The following CDHR1 variants were observed in gnomAD, a reference collection of about 807,000 sequenced individuals.
CDHR1 encodes cadherin related family member 1.
Under a neutral mutation model 72.1 loss-of-function variants are expected in CDHR1, and 61 were observed. That is an observed-to-expected ratio of 0.85 (90% CI 0.69 to 1.05). The LOEUF is 1.05. Ranked by LOEUF, CDHR1 falls within the 50% of genes least tolerant of loss-of-function variation. CDHR1 has a pLI of 0.00. For synonymous variants in CDHR1, 470 were observed against 448.1 expected (o/e 1.05, Z -0.62); for missense variants, 1,186 against 1,115.7 (o/e 1.06, Z -0.90).
Position 84,213,106 on chromosome 10 carries a change from G to A in CDHR1, c.1798G>A (p.Ala600Thr). ...CTGCGCACAGGCCATAGACGAGGAT[G>A]CAGAGGAACCCAACAACCTGGTGGA... The part of the protein sequence containing the change: ...PVKIEAIDED[A>T]EEPNNLVDYS... Residue 600 changes from alanine (A) to threonine (T), a missense_variant, in exon 16 of 17, where the codon GCA becomes ACA. By Grantham distance (58) the Ala-to-Thr change is moderately conservative (BLOSUM62 0). Transcript: ENST00000623527. 1 of 1,614,218 alleles carries A rather than the reference G, an allele frequency of 6.2e-7. No individual in the cohort carries two copies. The highest frequency in any genetic ancestry group is 8.5e-7 in the Non-Finnish European group (1 of 1,180,038).
intron 10 of CDHR1, among the ~76,000 whole-genome samples, chr10:84,207,682 C>T (rs1842251244): frequency 6.6e-6 from 1 of 152,130 alleles, no homozygotes; most frequent in Admixed American, 6.5e-5. Flanking sequence ...ACATTCATAT[C>T]TCATAGTTTC....
Position 84,214,503 on chromosome 10 carries a change from A to G in CDHR1, c.2462A>G (p.Gln821Arg), listed in dbSNP as rs375803729. 1 of 1,605,778 alleles carries G rather than the reference A, an allele frequency of 6.2e-7. No individual in the cohort carries two copies. The highest frequency in any genetic ancestry group is 8.5e-7 in the Non-Finnish European group (1 of 1,179,580). Residue 821 changes from glutamine to arginine, a missense_variant, in exon 17 of 17, where the codon CAG (glutamine) becomes CGG (arginine). Transcript: ENST00000623527. ...ACTGTCTCTGGCTCTCTCACTCCGC[A>G]GCCGACCCAACCCCCGCCAAAACCC... ...VPTVSGSLTP[Q>R]PTQPPPKPKT...
rs150969538 is a variant in CDHR1, at chr10:84,214,270, G to A, written c.2229G>A (p.Arg743=). 6.5e-4 allele frequency: 1,048 copies of A among 1,613,576 alleles called. 2 individuals are homozygous for A. The highest frequency in any genetic ancestry group is 4.9e-4 in the Non-Finnish European group (577 of 1,180,016). ...VLPMRRVLRK[R]PSPAPRTIRI... is the part of the protein sequence containing the mutation. ...CAATGCGGCGGGTGCTCCGCAAGCG[G>A]CCCAGCCCTGCGCCCCGCACCATCC... Residue 743 remains arginine (R), a synonymous_variant, in exon 17 of 17, where the codon CGG becomes CGA. Coordinates refer to ENST00000623527, the MANE Select transcript of CDHR1 (RefSeq NM_033100.4).
rs563013261 is a variant in CDHR1, at chr10:84,212,240, G to A, written c.1615G>A (p.Glu539Lys). 6.2e-7 allele frequency: 1 copy of A among 1,614,268 alleles called. No individual in the cohort carries two copies. Among genetic ancestry groups the A allele is most frequent in the Non-Finnish European group, 8.5e-7 (1 of 1,180,054 alleles). ...YTQPWASLDA[E>K]ATARYNFYVK... ...CCAGCCCTGGGCTAGCCTGGACGCT[G>A]AGGCCACTGCCAGGTACAACTTCTA... is the stretch of plus-strand genomic sequence containing the variant. The change falls in exon 15 of 17, where the codon GAG becomes AAG. Residue 539 changes from glutamate (E) to lysine (K), a missense_variant. Transcript: ENST00000623527.
rs886047343 is a variant in CDHR1, at chr10:84,215,977, A to G, written c.*1356A>G. On this transcript the variant is annotated 3_prime_UTR_variant, in exon 17 of 17. Transcript: ENST00000623527. ...GAGGGAATGCTTTGCTTGAGGCCAC[A>G]CAGCAGGTTGGTAGCAAAGATCTTG... 2.4e-5 allele frequency: 24 copies of G among 985,096 alleles called. 2 individuals carry two copies. In the East Asian group the frequency reaches 1.1e-3, roughly 47 times the overall value. The allele number at this position is 985,096 out of a possible 1,614,324, so 61.0% of individuals were successfully genotyped here.
chr10:84,215,112 G>A lies in CDHR1; in HGVS notation c.*491G>A. The A allele has an allele frequency of 9.7e-7, 1 of 1,027,274 alleles. No homozygotes were observed. The highest frequency in any genetic ancestry group is 3.8e-5 in the South Asian group (1 of 26,494). 63.6% of individuals were successfully genotyped at this position (1,027,274 alleles called of 1,614,324 possible). On this transcript the variant is annotated 3_prime_UTR_variant, in exon 17 of 17. Transcript: ENST00000623527. The stretch of plus-strand genomic sequence containing the variant: ...GGCTCAGCACTGTCTCAGGCTGGAG[G>A]TCAGCGAACCTCGTGGGCTGTAGGA...
chr10:84,209,360 C>G (rs888610643), intron 12 of CDHR1, among the ~76,000 whole-genome samples: 3 of 152,188 alleles, frequency 2.0e-5, no homozygotes, highest in African/African-American at 7.2e-5. Flanking sequence ...TTCACTGACA[C>G]TATTAAAATT....
intron 10 of CDHR1, among the ~76,000 whole-genome samples, chr10:84,207,803 T>C (rs1203882496): frequency 6.6e-6 from 1 of 152,190 alleles, no homozygotes; most frequent in African/African-American, 2.4e-5. Flanking sequence ...CAGGCTTGAC[T>C]GGGAAAGGGT....
chr10:84,200,585 G>T lies in CDHR1; in HGVS notation c.439-16G>T, dbSNP rs779486524. The T allele has an allele frequency of 3.8e-6, 6 of 1,591,002 alleles. No homozygotes were observed. The African/African-American group carries it at 8.1e-5, about 21-fold the overall frequency. On this transcript the variant is annotated splice_polypyrimidine_tract_variant and intron_variant, in intron 5 of 16. Coordinates refer to ENST00000623527, the MANE Select transcript of CDHR1 (RefSeq NM_033100.4). ...TCACTGTCTCTGACCCTCCCCTGTG[G>T]CTGTGACCCCCTCAGGACATACCTG...
intron 3 of CDHR1, among the ~76,000 whole-genome samples, chr10:84,196,956 A>C (rs1202867875): frequency 1.3e-5 from 2 of 152,212 alleles, no homozygotes; most frequent in Non-Finnish European, 2.9e-5. Context: ...AGGTTTCTGA[A>C]AGAAACCTCA....
In CDHR1 at chr10:84,214,891, T is replaced by G; in HGVS notation, c.*270T>G. 1 of 1,409,814 alleles carries G rather than the reference T, an allele frequency of 7.1e-7. No homozygotes were observed. The highest frequency in any genetic ancestry group is 1.5e-5 in the South Asian group (1 of 66,648). 87.3% of individuals were successfully genotyped at this position (1,409,814 alleles called of 1,614,324 possible). Reference sequence around the variant, plus strand: ...CCGTTACTCAAATCCTTGGCACTACTACAATGCCCTCCATTCTTCAGGGCT... The same window carrying G: ...CCGTTACTCAAATCCTTGGCACTACGACAATGCCCTCCATTCTTCAGGGCT... On this transcript the variant is annotated 3_prime_UTR_variant, in exon 17 of 17. Transcript: ENST00000623527.
At chr10:84,208,666 T>C (rs555923454) in intron 11 of CDHR1, 63 bp from the exon 12 acceptor site, 2 of 1,513,992 alleles carry the variant, frequency 1.3e-6, no homozygotes, top group South Asian at 1.1e-5. Context: ...GACTTCTATA[T>C]AGTATGATTA....
intron 10 of CDHR1, among the ~76,000 whole-genome samples, chr10:84,206,631 T>C (rs1842231474): frequency 6.6e-6 from 1 of 152,258 alleles, no homozygotes. Context: ...ACCTGGCTGC[T>C]CACCAGACCA....
At chr10:84,200,782 C>T (rs999416355) in intron 6 of CDHR1, 95 bp downstream of exon 6, 21 of 827,450 alleles carry the variant, frequency 2.5e-5, no homozygotes, top group Admixed American at 6.0e-5. Context: ...TAGGTCGGTG[C>T]CTCTATGATT....
rs749093293 is a variant in CDHR1 at position 84,213,131 on chromosome 10, A to G, written c.1823A>G (p.Asp608Gly). Reference protein sequence around the residue: ...EDAEEPNNLVDYSITHAEPAN... With the variant: ...EDAEEPNNLVGYSITHAEPAN... ...GCAGAGGAACCCAACAACCTGGTGG[A>G]CTATTCCATCACCCATGCAGAGCCC... is the stretch of plus-strand genomic sequence containing the variant. Residue 608 changes from aspartate to glycine, a missense_variant, in exon 16 of 17, where the codon GAC (aspartate) becomes GGC (glycine). By Grantham distance (94) the Asp-to-Gly change is moderately conservative (BLOSUM62 -1). Transcript: ENST00000623527. 6.2e-7 allele frequency: 1 copy of G among 1,614,222 alleles called. No individual in the cohort carries two copies. The highest frequency in any genetic ancestry group is 1.1e-5 in the South Asian group (1 of 91,080).
At position 84,194,724 on chromosome 10, in the gene CDHR1, TCGG is replaced by T; in HGVS notation, c.-29_-27del. ...ATGCTCCGTGCCCCTGCGCCCGGTCTCGGCGGCGGCAGGCGACACTCCGCGCCG... is the reference window on the plus strand; with the variant it reads ...ATGCTCCGTGCCCCTGCGCCCGGTCTCGGCGGCAGGCGACACTCCGCGCCG... On this transcript the variant is annotated 5_prime_UTR_variant, in exon 1 of 17. Transcript: ENST00000623527. 6.8e-7 allele frequency: 1 copy of T among 1,460,518 alleles called. No individual in the cohort carries two copies. The highest frequency in any genetic ancestry group is 9.0e-7 in the Non-Finnish European group (1 of 1,116,970). The allele number at this position is 1,460,518 out of a possible 1,614,324, so 90.5% of individuals were successfully genotyped here.
At position 84,211,024 on chromosome 10, in the gene CDHR1, C is replaced by T. The variant is rs542195636; in HGVS notation, c.1344C>T (p.Thr448=). Residue 448 remains threonine, a synonymous_variant, in exon 13 of 17, where the codon ACC becomes ACT. Transcript: ENST00000623527. Reference sequence around the variant, plus strand: ...AGCTCCTGGCTGTTGAAGTGAACACCCCAGAGAAGTTCAGTTCCACAGCGG... The same window carrying T: ...AGCTCCTGGCTGTTGAAGTGAACACTCCAGAGAAGTTCAGTTCCACAGCGG... The part of the protein sequence containing the change: ...TFKLLAVEVN[T]PEKFSSTADV... 544 of 1,614,216 alleles carry T rather than the reference C, an allele frequency of 3.4e-4. 3 individuals carry two copies. The South Asian group carries it at 5.7e-3, about 17-fold the overall frequency.
intron 10 of CDHR1, among the ~76,000 whole-genome samples, chr10:84,207,554 A>G (rs1400420219): frequency 1.3e-5 from 2 of 152,244 alleles, no homozygotes; most frequent in Non-Finnish European, 2.9e-5. Flanking sequence ...AGAGGTTCAT[A>G]GGATATCTGC....
Position 84,202,738 on chromosome 10 carries a change from A to G in CDHR1, c.640-242A>G, listed in dbSNP as rs78818045. On this transcript the variant is annotated intron_variant, in intron 7 of 16. Coordinates refer to ENST00000623527, the MANE Select transcript of CDHR1 (RefSeq NM_033100.4). ...CTGAATGCCCCCTCTCCTGCCACTC[A>G]TCTGATATGATTTCTCTGAAGAGAG... Among the ~76,000 whole-genome samples, 1,125 of 152,302 alleles carry G rather than the reference A, an allele frequency of 7.4e-3. 35 individuals carry two copies. The highest frequency in any genetic ancestry group is 0.063 in the East Asian group (326 of 5,178).
Sources: allele counts gnomAD v4.1 joint callset (sites outside exome capture counted in the v4.1 genomes callset), GRCh38; gene constraint gnomAD v4.1.1; transcripts MANE v1.5; gene names NCBI Gene and HGNC (gene_info 2026-07-23, HGNC 2026-07-21).